SLC2A4: variants seen among roughly 807,000 people sequenced by gnomAD.
SLC2A4 encodes solute carrier family 2, facilitated glucose transporter member 4.
Under a neutral mutation model 53.3 loss-of-function variants are expected in SLC2A4, and 31 were observed. That is an observed-to-expected ratio of 0.58 (90% CI 0.44 to 0.78). The LOEUF is 0.78. Ranked by LOEUF, SLC2A4 falls within the 30% of genes least tolerant of loss-of-function variation. SLC2A4 has a pLI of 0.00. For missense variants in SLC2A4, 538 were observed against 655.7 expected (o/e 0.82, Z 1.96); for synonymous variants, 276 against 281.9 (o/e 0.98, Z 0.21).
rs997922460 is a variant in SLC2A4, at chr17:7,282,089, G to T, written c.33+122G>T. 12 of 825,998 alleles carry T rather than the reference G, an allele frequency of 1.5e-5. No individual in the cohort carries two copies. Among genetic ancestry groups the T allele is most frequent in the African/African-American group, 3.4e-5 (2 of 59,144 alleles). 51.2% of individuals were successfully genotyped at this position (825,998 alleles called of 1,614,324 possible). Reference sequence around the variant, plus strand: ...CAGGCGCAGGGGGTGAAGGTAGGGGGCTGGCTATTTATACCCGGCCTGGAC... The same window carrying T: ...CAGGCGCAGGGGGTGAAGGTAGGGGTCTGGCTATTTATACCCGGCCTGGAC... On this transcript the variant is annotated intron_variant, in intron 1 of 10. Coordinates refer to ENST00000317370, the MANE Select transcript of SLC2A4 (RefSeq NM_001042.3). This position sits in a 1 kb window ranked among gnomAD's most constrained non-coding sequence, Gnocchi z 4.1.
In SLC2A4 at chr17:7,283,022, T is replaced by A. The variant is rs2072415385; in HGVS notation, c.34-223T>A. 1.7e-6 allele frequency: 1 copy of A among 580,100 alleles called. No homozygotes were observed. The highest frequency in any genetic ancestry group is 1.8e-5 in the South Asian group (1 of 55,164). 35.9% of individuals were successfully genotyped at this position (580,100 alleles called of 1,614,324 possible). ...ACAAGTTCTCAAACATTTCTCTGCC[T>A]TATGGACCCAAACATCCAGTTTCTC... On this transcript the variant is annotated intron_variant, in intron 1 of 10. Coordinates refer to ENST00000317370, the MANE Select transcript of SLC2A4 (RefSeq NM_001042.3). The surrounding 1 kb of genome is among the most constrained non-coding windows in gnomAD (Gnocchi z 5.8).
Position 7,284,521 on chromosome 17 carries a change from G to A in SLC2A4, c.764G>A (p.Gly255Glu). Reference protein sequence around the residue: ...KRLTGWADVSGVLAELKDEKR... With the variant: ...KRLTGWADVSEVLAELKDEKR... ...CTGACAGGCTGGGCCGATGTTTCTG[G>A]AGTGCTGGCTGAGCTGAAGGATGAG... The change falls in exon 7 of 11, where the codon GGA becomes GAA. Residue 255 changes from glycine to glutamate, a missense_variant. By Grantham distance (98) the Gly-to-Glu change is moderately conservative. Transcript: ENST00000317370. This position sits in a 1 kb window ranked among gnomAD's most constrained non-coding sequence, Gnocchi z 7.5. The A allele has an allele frequency of 1.2e-6, 2 of 1,614,272 alleles. No homozygotes were observed. The highest frequency in any genetic ancestry group is 8.5e-7 in the Non-Finnish European group (1 of 1,180,058).
Position 7,284,633 on chromosome 17 carries a change from C to A in SLC2A4, c.876C>A (p.Val292=). The A allele has an allele frequency of 2.5e-6, 4 of 1,614,104 alleles. No individual in the cohort carries two copies. In the South Asian group the frequency reaches 3.3e-5, roughly 13 times the overall value. ...ACCGGCAGCCCCTGATCATTGCGGT[C>A]GTGCTGCAGCTGAGCCAGCAGCTCT... ...RTHRQPLIIA[V]VLQLSQQLSG... is the part of the protein sequence containing the mutation. The change falls in exon 7 of 11, where the codon GTC becomes GTA. Residue 292 remains valine (V), a synonymous_variant. Transcript: ENST00000317370. This position sits in a 1 kb window ranked among gnomAD's most constrained non-coding sequence, Gnocchi z 7.5.
rs1346848629 is a variant in SLC2A4, at chr17:7,283,200, C to T, written c.34-45C>T. On this transcript the variant is annotated intron_variant, in intron 1 of 10. Transcript: ENST00000317370. The surrounding 1 kb of genome is among the most constrained non-coding windows in gnomAD (Gnocchi z 5.8). ...GGGCCCCTAGCGGAAGGAAAAAAAT[C>T]ATGGTTCCATGTGACATGCTGTGTC... is the stretch of plus-strand genomic sequence containing the variant. 1 of 1,531,856 alleles carries T rather than the reference C, an allele frequency of 6.5e-7. No homozygotes were observed. Among genetic ancestry groups the T allele is most frequent in the Non-Finnish European group, 9.0e-7 (1 of 1,105,422 alleles). The allele number at this position is 1,531,856 out of a possible 1,614,324, so 94.9% of individuals were successfully genotyped here. A position where few individuals can be genotyped will look rare whatever the true frequency, so the allele number is the denominator to read the frequency against.
Position 7,282,051 on chromosome 17 carries a change from G to T in SLC2A4, c.33+84G>T. On this transcript the variant is annotated intron_variant, in intron 1 of 10. Coordinates refer to ENST00000317370, the MANE Select transcript of SLC2A4 (RefSeq NM_001042.3). The surrounding 1 kb of genome is among the most constrained non-coding windows in gnomAD (Gnocchi z 4.1). ...GGGGTCGCGGTTGGGGTCAGCTGGG[G>T]GTGGTTCCTGCGCAGGCGCAGGGGG... 1 of 1,201,750 alleles carries T rather than the reference G, an allele frequency of 8.3e-7. No homozygotes were observed. Among genetic ancestry groups the T allele is most frequent in the South Asian group, 1.3e-5 (1 of 78,132 alleles). The allele number at this position is 1,201,750 out of a possible 1,614,324, so 74.4% of individuals were successfully genotyped here.
chr17:7,284,477 T>C lies in SLC2A4; in HGVS notation c.728-8T>C. On this transcript the variant is annotated splice_region_variant and splice_polypyrimidine_tract_variant and intron_variant, in intron 6 of 10. Transcript: ENST00000317370. This position sits in a 1 kb window ranked among gnomAD's most constrained non-coding sequence, Gnocchi z 7.5. ...AGGTCCCCTCAGGCCTGACCTTCCC[T>C]TCTCCAGGTCTGAAGCGCCTGACAG... 6.2e-7 allele frequency: 1 copy of C among 1,614,258 alleles called. No individual in the cohort carries two copies. The highest frequency in any genetic ancestry group is 8.5e-7 in the Non-Finnish European group (1 of 1,180,048).
chr17:7,283,868 C>T lies in SLC2A4; in HGVS notation c.448+6C>T, dbSNP rs759944410. The T allele has an allele frequency of 2.5e-6, 4 of 1,614,028 alleles. No individual in the cohort carries two copies. The Admixed American group carries it at 6.7e-5, about 27-fold the overall frequency. ...CCTCATTGGCGCCTACTCAGGTACTCACGGGCACCACAGCCCTGCCTAGCG... is the reference window on the plus strand; with the variant it reads ...CCTCATTGGCGCCTACTCAGGTACTTACGGGCACCACAGCCCTGCCTAGCG... On this transcript the variant is annotated splice_donor_region_variant and intron_variant, in intron 4 of 10. Transcript: ENST00000317370. The surrounding 1 kb of genome is among the most constrained non-coding windows in gnomAD (Gnocchi z 5.8).
chr17:7,282,782 C>A lies in SLC2A4; in HGVS notation c.34-463C>A, dbSNP rs1597598966. ...GACAGTGGCTGATGATAATAATGCA[C>A]GTGTTAATTTATGAAACCAGCACTG... On this transcript the variant is annotated intron_variant, in intron 1 of 10. Transcript: ENST00000317370. The surrounding 1 kb of genome is among the most constrained non-coding windows in gnomAD (Gnocchi z 4.1). Among the ~76,000 whole-genome samples the A allele has an allele frequency of 1.3e-5, 2 of 152,204 alleles. No individual in the cohort carries two copies.
In SLC2A4 at chr17:7,285,816, A is replaced by C; in HGVS notation, c.1234A>C (p.Ser412Arg). The change falls in exon 10 of 11, where the codon AGC becomes CGC. Residue 412 changes from serine to arginine, a missense_variant. Physicochemically the swap from Ser to Arg is moderately radical, Grantham distance 110. Transcript: ENST00000317370. The surrounding 1 kb of genome is among the most constrained non-coding windows in gnomAD (Gnocchi z 6.0). ...TTGGTTCATCGTGGCCGAGCTCTTCAGCCAGGGACCCCGCCCGGCAGCCAT... is the reference window on the plus strand; with the variant it reads ...TTGGTTCATCGTGGCCGAGCTCTTCCGCCAGGGACCCCGCCCGGCAGCCAT... The part of the protein sequence containing the change: ...IPWFIVAELF[S>R]QGPRPAAMAV... 1 of 1,614,180 alleles carries C rather than the reference A, an allele frequency of 6.2e-7. No homozygotes were observed. The highest frequency in any genetic ancestry group is 8.5e-7 in the Non-Finnish European group (1 of 1,180,022).
In SLC2A4 at chr17:7,284,708, C is replaced by A; in HGVS notation, c.915+36C>A. 6.2e-7 allele frequency: 1 copy of A among 1,612,878 alleles called. No individual in the cohort carries two copies. The highest frequency in any genetic ancestry group is 8.5e-7 in the Non-Finnish European group (1 of 1,179,110). ...AGCAGCCTCCAGGCAGGGCACAGCCCCGGGAGGGTAGACGAGAGTGGGGAG... is the reference window on the plus strand; with the variant it reads ...AGCAGCCTCCAGGCAGGGCACAGCCACGGGAGGGTAGACGAGAGTGGGGAG... On this transcript the variant is annotated intron_variant, in intron 7 of 10. Coordinates refer to ENST00000317370, the MANE Select transcript of SLC2A4 (RefSeq NM_001042.3). The surrounding 1 kb of genome is among the most constrained non-coding windows in gnomAD (Gnocchi z 7.5).
In SLC2A4 at chr17:7,285,953, G is replaced by A; in HGVS notation, c.1326+45G>A. 1 of 1,565,054 alleles carries A rather than the reference G, an allele frequency of 6.4e-7. No individual in the cohort carries two copies. The highest frequency in any genetic ancestry group is 8.7e-7 in the Non-Finnish European group (1 of 1,143,398). On this transcript the variant is annotated intron_variant, in intron 10 of 10. Transcript: ENST00000317370. The surrounding 1 kb of genome is among the most constrained non-coding windows in gnomAD (Gnocchi z 6.0). ...CCTCCCACACCGTAGGCCAGAGGTGGGCATCACACAGCTAGCCCACCTGCT... is the reference window on the plus strand; with the variant it reads ...CCTCCCACACCGTAGGCCAGAGGTGAGCATCACACAGCTAGCCCACCTGCT...
Position 7,286,156 on chromosome 17 carries a change from T to C in SLC2A4, c.1326+248T>C, listed in dbSNP as rs573223996. The C allele has an allele frequency of 4.1e-5, 25 of 616,280 alleles. No homozygotes were observed. In the South Asian group the frequency reaches 4.6e-4, roughly 11 times the overall value. The allele number at this position is 616,280 out of a possible 1,614,324, so 38.2% of individuals were successfully genotyped here. ...ACTCCAAGAATAAAATGATACACTTTGCATTAATACTACAAACAGCTGGGA... is the reference window on the plus strand; with the variant it reads ...ACTCCAAGAATAAAATGATACACTTCGCATTAATACTACAAACAGCTGGGA... On this transcript the variant is annotated intron_variant, in intron 10 of 10. Coordinates refer to ENST00000317370, the MANE Select transcript of SLC2A4 (RefSeq NM_001042.3).
Position 7,281,987 on chromosome 17 carries a change from G to A in SLC2A4, c.33+20G>A, listed in dbSNP as rs762487054. 1.3e-6 allele frequency: 2 copies of A among 1,564,544 alleles called. No homozygotes were observed. The highest frequency in any genetic ancestry group is 1.8e-6 in the Non-Finnish European group (2 of 1,139,194). ...TCCGAAGTAGGATTCATCATGAGGG[G>A]GCGGGGCGGGGGGGCACGGGTCCCG... On this transcript the variant is annotated intron_variant, in intron 1 of 10. Coordinates refer to ENST00000317370, the MANE Select transcript of SLC2A4 (RefSeq NM_001042.3).
In SLC2A4 at chr17:7,283,720, ACT is replaced by A; in HGVS notation, c.324-15_324-14del. 1 of 1,613,668 alleles carries A rather than the reference ACT, an allele frequency of 6.2e-7. No individual in the cohort carries two copies. Among genetic ancestry groups the A allele is most frequent in the Non-Finnish European group, 8.5e-7 (1 of 1,179,950 alleles). ...TGGGTGCCCTCACCCTCACAGCCTC[ACT>A]CTGTCTGCCTGCCAGGAAAAGGGCC... On this transcript the variant is annotated splice_polypyrimidine_tract_variant and intron_variant, in intron 3 of 10. Transcript: ENST00000317370. The surrounding 1 kb of genome is among the most constrained non-coding windows in gnomAD (Gnocchi z 5.8).
In SLC2A4 at chr17:7,283,885, T is replaced by C. The variant is rs369064700; in HGVS notation, c.448+23T>C. On this transcript the variant is annotated intron_variant, in intron 4 of 10. Transcript: ENST00000317370. This position sits in a 1 kb window ranked among gnomAD's most constrained non-coding sequence, Gnocchi z 5.8. ...CAGGTACTCACGGGCACCACAGCCC[T>C]GCCTAGCGCCCTGTTCTCTTTCACC... 1.9e-6 allele frequency: 3 copies of C among 1,614,040 alleles called. No homozygotes were observed. The African/African-American group carries it at 4.0e-5, about 22-fold the overall frequency.
Position 7,286,482 on chromosome 17 carries a change from C to T in SLC2A4, c.1383C>T (p.Phe461=), listed in dbSNP as rs1175347246. 1 of 1,614,198 alleles carries T rather than the reference C, an allele frequency of 6.2e-7. No homozygotes were observed. The highest frequency in any genetic ancestry group is 2.2e-5 in the East Asian group (1 of 44,884). ...TTGCGGTCCTCCTGCTGGGCTTCTT[C>T]ATCTTCACCTTCTTAAGAGTACCTG... ...LLFAVLLLGF[F]IFTFLRVPET... is the part of the protein sequence containing the mutation. Residue 461 remains phenylalanine, a synonymous_variant, in exon 11 of 11, where the codon TTC becomes TTT. Coordinates refer to ENST00000317370, the MANE Select transcript of SLC2A4 (RefSeq NM_001042.3).
At chr17:7,286,008 C>A in intron 10 of SLC2A4, 100 bp downstream of exon 10, 1 of 1,143,748 alleles carries the variant, frequency 8.7e-7, no homozygotes, top group Non-Finnish European at 1.3e-6. Context: ...CAGCCACAGA[C>A]CATGGGTCTT....
In SLC2A4 at chr17:7,286,493, T is replaced by C; in HGVS notation, c.1394T>C (p.Phe465Ser). ...CTGCTGGGCTTCTTCATCTTCACCT[T>C]CTTAAGAGTACCTGAAACTCGAGGC... ...VLLLGFFIFTFLRVPETRGRT... is the reference protein window; with the variant it reads ...VLLLGFFIFTSLRVPETRGRT... Residue 465 changes from phenylalanine to serine, a missense_variant, in exon 11 of 11, where the codon TTC (phenylalanine) becomes TCC (serine). Physicochemically the swap from Phe to Ser is radical, Grantham distance 155. Transcript: ENST00000317370. 1 of 1,614,150 alleles carries C rather than the reference T, an allele frequency of 6.2e-7. No individual in the cohort carries two copies. The highest frequency in any genetic ancestry group is 8.5e-7 in the Non-Finnish European group (1 of 1,180,016).
At position 7,287,015 on chromosome 17, in the gene SLC2A4, C is replaced by T; in HGVS notation, c.*386C>T. On this transcript the variant is annotated 3_prime_UTR_variant, in exon 11 of 11. Transcript: ENST00000317370. ...CAGTGGGACAAACCAGAGCAGAGAG[C>T]AGGACAGGAGACAAGAAATCCAGTT... 3.4e-6 allele frequency: 1 copy of T among 291,134 alleles called. No individual in the cohort carries two copies. Among genetic ancestry groups the T allele is most frequent in the South Asian group, 3.7e-5 (1 of 26,996 alleles). 18.0% of individuals were successfully genotyped at this position (291,134 alleles called of 1,614,324 possible). A position where few individuals can be genotyped will look rare whatever the true frequency, so the allele number is the denominator to read the frequency against.
Sources: allele counts gnomAD v4.1 joint callset (sites outside exome capture counted in the v4.1 genomes callset), GRCh38; gene constraint gnomAD v4.1.1; non-coding constraint Gnocchi (gnomAD v3.1); transcripts MANE v1.5; gene names NCBI Gene and HGNC (gene_info 2026-07-23, HGNC 2026-07-21).